The following PADI1 variants were observed in gnomAD, a reference collection of about 807,000 sequenced individuals.
PADI1 encodes protein-arginine deiminase type-1.
PADI1 carries 65 observed loss-of-function variants against 74.8 expected under a neutral mutation model. The observed-to-expected ratio is 0.87, with a 90% CI of 0.71 to 1.07. The LOEUF is 1.07. Among genes scored for constraint, PADI1 ranks in the 50% least tolerant of loss-of-function variants. The pLI is 0.00. For missense variants in PADI1, 943 were observed against 854.0 expected (o/e 1.10, Z -1.30); for synonymous variants, 371 against 336.2 (o/e 1.10, Z -1.13).
intron 1 of PADI1, among the ~76,000 whole-genome samples, chr1:17,221,345 G>C (rs2072142385): frequency 6.6e-6 from 1 of 152,100 alleles, no homozygotes; most frequent in Non-Finnish European, 1.5e-5. Flanking sequence ...CTTCTAGCAA[G>C]AGAGATGGAC....
rs112595622 is a variant in PADI1 at position 17,225,754 on chromosome 1, C to A, written c.409-57C>A. 2,671 of 1,260,242 alleles carry A rather than the reference C, an allele frequency of 2.1e-3. 8 individuals carry two copies. Among genetic ancestry groups the A allele is most frequent in the Middle Eastern group, 6.6e-3 (31 of 4,724 alleles). The allele number at this position is 1,260,242 out of a possible 1,614,324, so 78.1% of individuals were successfully genotyped here. A position where few individuals can be genotyped will look rare whatever the true frequency, so the allele number is the denominator to read the frequency against. ...CAGCCCGCCCTGGCCATGTCTAGAACCCCTTCCTGGAGCCTCCTGGGTCCC... is the reference window on the plus strand; with the variant it reads ...CAGCCCGCCCTGGCCATGTCTAGAAACCCTTCCTGGAGCCTCCTGGGTCCC... On this transcript the variant is annotated intron_variant, in intron 4 of 15. Transcript: ENST00000375471.
intron 14 of PADI1, 137 bp downstream of exon 14, chr1:17,239,920 A>T: frequency 1.5e-6 from 1 of 680,838 alleles, no homozygotes; most frequent in Non-Finnish European, 2.6e-6. Context: ...TGCAGGTGGG[A>T]TAGAGCCTCT....
At chr1:17,207,262 C>T (rs1185603987) in intron 1 of PADI1, among the ~76,000 whole-genome samples, 1 of 152,174 alleles carries the variant, frequency 6.6e-6, no homozygotes, top group Non-Finnish European at 1.5e-5. Flanking sequence ...CTCTGGGTTT[C>T]ATTTCCTCAT....
At chr1:17,227,128 C>T (rs1053214845) in intron 6 of PADI1, among the ~76,000 whole-genome samples, 1 of 148,622 alleles carries the variant, frequency 6.7e-6, no homozygotes, top group African/African-American at 2.5e-5. Flanking sequence ...ACCCAGGAGG[C>T]AGAGGTTGCA....
In PADI1 at chr1:17,227,886, C is replaced by T. The variant is rs148645601; in HGVS notation, c.653-739C>T. ...ATGTGCTCTCTGTATCTCTGAAATT[C>T]CCTATCTGGATATTTCATATAAATG... On this transcript the variant is annotated intron_variant, in intron 6 of 15. Coordinates refer to ENST00000375471, the MANE Select transcript of PADI1 (RefSeq NM_013358.3). Among the ~76,000 whole-genome samples, 746 of 152,328 alleles carry T rather than the reference C, an allele frequency of 4.9e-3. 5 individuals are homozygous for T. The highest frequency in any genetic ancestry group is 0.017 in the Middle Eastern group (5 of 294).
intron 11 of PADI1, among the ~76,000 whole-genome samples, chr1:17,236,922 G>A (rs1000027270): frequency 3.9e-5 from 6 of 152,226 alleles, no homozygotes; most frequent in Non-Finnish European, 5.9e-5. Flanking sequence ...GGCAAGAGCA[G>A]GCTGGAGACA....
chr1:17,236,846 C>G (rs1409139515), intron 11 of PADI1, among the ~76,000 whole-genome samples: 1 of 152,064 alleles, frequency 6.6e-6, no homozygotes, highest in African/African-American at 2.4e-5. Flanking sequence ...AAAGAAGAGG[C>G]AGTTAAAGAT....
chr1:17,218,784 C>T (rs1305762683), intron 1 of PADI1, among the ~76,000 whole-genome samples: 3 of 152,134 alleles, frequency 2.0e-5, no homozygotes, highest in Non-Finnish European at 4.4e-5. Flanking sequence ...AGGGGCAAGG[C>T]CAGTGATGCC....
intron 1 of PADI1, among the ~76,000 whole-genome samples, chr1:17,217,472 T>C (rs2072010814): frequency 6.6e-6 from 1 of 152,334 alleles, no homozygotes; most frequent in African/African-American, 2.4e-5. Context: ...TTTGTGGCAA[T>C]GTACCAGGGT....
intron 11 of PADI1, 33 bp from the exon 12 acceptor site, chr1:17,237,281 A>G (rs1173653573): frequency 1.3e-6 from 2 of 1,577,380 alleles, no homozygotes; most frequent in Non-Finnish European, 1.7e-6. Context: ...TCTCAGGCAC[A>G]AGGTGACTGC....
intron 6 of PADI1, among the ~76,000 whole-genome samples, chr1:17,227,748 G>A (rs2072363832): frequency 6.6e-6 from 1 of 152,130 alleles, no homozygotes; most frequent in African/African-American, 2.4e-5. Context: ...CCATGCACCA[G>A]TGGTGGATGT....
At position 17,223,653 on chromosome 1, in the gene PADI1, C is replaced by T. The variant is rs756153942; in HGVS notation, c.306C>T (p.Asp102=). The change falls in exon 3 of 16, where the codon GAC becomes GAT. Residue 102 remains aspartate, a synonymous_variant. Coordinates refer to ENST00000375471, the MANE Select transcript of PADI1 (RefSeq NM_013358.3). ...TCTCCTACTTTGGGGAGCAGGAAGA[C>T]CAAGCTCTGGGCCGCAGCGTGCTTT... ...VRVSYFGEQE[D]QALGRSVLYL... 2.7e-5 allele frequency: 44 copies of T among 1,613,998 alleles called. No homozygotes were observed. The highest frequency in any genetic ancestry group is 3.3e-5 in the Non-Finnish European group (39 of 1,180,000).
In PADI1 at chr1:17,205,291, C is replaced by G. The variant is rs766355819; in HGVS notation, c.74C>G (p.Ala25Gly). The change falls in exon 1 of 16, where the codon GCA becomes GGA. Residue 25 changes from alanine to glycine, a missense_variant. Transcript: ENST00000375471. ...THAVCVVGVE[A>G]HVDIHSDVPK... is the part of the protein sequence containing the mutation. ...GCCGTGTGTGTGGTGGGAGTCGAGG[C>G]ACATGTGGACATTCACAGGTAAGAG... 4.3e-6 allele frequency: 7 copies of G among 1,613,592 alleles called. No homozygotes were observed. Among genetic ancestry groups the G allele is most frequent in the Non-Finnish European group, 5.9e-6 (7 of 1,179,750 alleles).
intron 1 of PADI1, among the ~76,000 whole-genome samples, chr1:17,210,144 T>TTTTTA (rs749851324): frequency 3.4e-4 from 52 of 151,872 alleles, no homozygotes; most frequent in Non-Finnish European, 4.7e-4. Flanking sequence ...CCTGCCTAAG[T>TTTTTA]TTTTATTTTA....
chr1:17,240,771 T>C lies in PADI1; in HGVS notation c.1758+11T>C. 6 of 1,612,794 alleles carry C rather than the reference T, an allele frequency of 3.7e-6. No individual in the cohort carries two copies. Among genetic ancestry groups the C allele is most frequent in the Non-Finnish European group, 5.1e-6 (6 of 1,179,184 alleles). Reference sequence around the variant, plus strand: ...TTCTTCCCAGACATGGTGAGAGCCCTTGTGCAGGGTCCTGCTGGGGGGTCT... The same window carrying C: ...TTCTTCCCAGACATGGTGAGAGCCCCTGTGCAGGGTCCTGCTGGGGGGTCT... On this transcript the variant is annotated intron_variant, in intron 15 of 15. Transcript: ENST00000375471.
chr1:17,222,503 G>A, intron 2 of PADI1, 33 bp downstream of exon 2: 1 of 1,546,906 alleles, frequency 6.5e-7, no homozygotes, highest in Admixed American at 1.7e-5. Context: ...AAAAGGGTTG[G>A]ATCTCTCCAC....
intron 2 of PADI1, 39 bp downstream of exon 2, chr1:17,222,509 T>G: frequency 6.7e-7 from 1 of 1,485,662 alleles, no homozygotes; most frequent in Non-Finnish European, 9.4e-7. Flanking sequence ...GTTGGATCTC[T>G]CCACCCCCAT....
intron 1 of PADI1, among the ~76,000 whole-genome samples, chr1:17,212,588 G>T (rs2071863060): frequency 6.6e-6 from 1 of 152,184 alleles, no homozygotes; most frequent in Admixed American, 6.5e-5. Flanking sequence ...CTAAGATTTG[G>T]CCGGTGGAGC....
At chr1:17,243,885 C>A (rs1026454405) in intron 15 of PADI1, 125 bp from the exon 16 acceptor site, 2 of 649,368 alleles carry the variant, frequency 3.1e-6, no homozygotes, top group Non-Finnish European at 5.5e-6. Flanking sequence ...GTCCTAGAGC[C>A]CTTTCTAGGC....
Sources: allele counts gnomAD v4.1 joint callset (sites outside exome capture counted in the v4.1 genomes callset), GRCh38; gene constraint gnomAD v4.1.1; transcripts MANE v1.5; gene names NCBI Gene and HGNC (gene_info 2026-07-23, HGNC 2026-07-21).